The following RIN2 variants were observed in gnomAD, a reference collection of about 807,000 sequenced individuals.
RIN2 encodes RAB5 interacting protein 2.
In RIN2, 36 loss-of-function variants were observed where a neutral mutation model predicts 78.0. The ratio of observed to expected loss-of-function variants is 0.46; its 90% CI spans 0.35 to 0.61. The LOEUF is 0.61. RIN2 is among the 20% of genes least tolerant of loss of function. The pLI, the probability that RIN2 is intolerant of heterozygous loss-of-function variation, is 0.00. For missense variants in RIN2, 1,087 were observed against 1,159.7 expected, an observed-to-expected ratio of 0.94 and a Z score of 0.91; for synonymous variants, 466 against 466.8, an observed-to-expected ratio of 1.00 and a Z score of 0.02.
chr20:19,871,537 T>C (rs6046391), intron 2 of RIN2, among the ~76,000 whole-genome samples: 69,242 of 152,084 alleles, frequency 0.46, 16,250 homozygotes, highest in Middle Eastern at 0.55. Context: ...ATGCACTATG[T>C]GGTTTCAGAA....
At position 19,975,925 on chromosome 20, in the gene RIN2, G is replaced by A. The variant is rs2042266101; in HGVS notation, c.1762+138G>A. The A allele has an allele frequency of 1.1e-5, 9 of 855,972 alleles. No individual in the cohort carries two copies. The South Asian group carries it at 1.3e-4, about 12-fold the overall frequency. 53.0% of individuals were successfully genotyped at this position (855,972 alleles called of 1,614,324 possible). A position where few individuals can be genotyped will look rare whatever the true frequency, so the allele number is the denominator to read the frequency against. On this transcript the variant is annotated intron_variant, in intron 9 of 12. Transcript: ENST00000255006. This position sits in a 1 kb window ranked among gnomAD's most constrained non-coding sequence, Gnocchi z 4.9. ...CTCCACCTTCTCTCCCGGTTTGAAT[G>A]GAAAAATCAGTTTCTCAAAGTAGCT...
chr20:19,945,627 T>C (rs2041059565), intron 4 of RIN2, among the ~76,000 whole-genome samples: 2 of 152,208 alleles, frequency 1.3e-5, no homozygotes, highest in South Asian at 4.1e-4. Context: ...GGGCATAGAA[T>C]TATTGTAATT....
chr20:19,882,101 T>C (rs917389943), intron 2 of RIN2, among the ~76,000 whole-genome samples: 51 of 152,106 alleles, frequency 3.4e-4, no homozygotes, highest in African/African-American at 1.1e-3. Flanking sequence ...CTGAGAAAAA[T>C]GATACTGGTA....
At chr20:19,817,709 A>G (rs912177581) in intron 2 of RIN2, among the ~76,000 whole-genome samples, 3 of 152,220 alleles carry the variant, frequency 2.0e-5, no homozygotes, top group Non-Finnish European at 2.9e-5. Flanking sequence ...AATAAAATCA[A>G]TGAATCAAAA....
At chr20:19,883,917 G>GA (rs376600068) in intron 2 of RIN2, among the ~76,000 whole-genome samples, 6 of 150,110 alleles carry the variant, frequency 4.0e-5, no homozygotes, top group African/African-American at 1.5e-4. Context: ...GTTACTCTTA[G>GA]AAAAATTGAG....
chr20:19,826,388 A>G (rs561286373), intron 2 of RIN2, among the ~76,000 whole-genome samples: 1 of 152,354 alleles, frequency 6.6e-6, no homozygotes, highest in South Asian at 2.1e-4. Context: ...GGCACGGGTA[A>G]CTAAGTAACT....
At chr20:19,866,065 G>T (rs2123321192) in intron 2 of RIN2, among the ~76,000 whole-genome samples, 1 of 152,146 alleles carries the variant, frequency 6.6e-6, no homozygotes, top group East Asian at 1.9e-4. Context: ...TCACCTTAAT[G>T]TAGAATCAGT....
chr20:19,789,222 GA>G (rs2034808704), intron 1 of RIN2, among the ~76,000 whole-genome samples: 1 of 151,900 alleles, frequency 6.6e-6, no homozygotes, highest in African/African-American at 2.4e-5. Context: ...TATTCCTGAG[GA>G]AAAAAATAAA....
intron 2 of RIN2, among the ~76,000 whole-genome samples, chr20:19,864,128 A>G (rs1478127521): frequency 6.6e-6 from 1 of 152,110 alleles, no homozygotes; most frequent in Non-Finnish European, 1.5e-5. Context: ...GATCAATTAG[A>G]AAAAAGGGTC....
At chr20:19,849,834 T>G (rs2036904946) in intron 2 of RIN2, among the ~76,000 whole-genome samples, 1 of 152,146 alleles carries the variant, frequency 6.6e-6, no homozygotes, top group Admixed American at 6.5e-5. Flanking sequence ...AATACAAGTC[T>G]CTTAATGCCT....
chr20:19,857,225 A>AATGTATACACCTTTGTG (rs1347440467), intron 2 of RIN2, among the ~76,000 whole-genome samples: 1 of 152,178 alleles, frequency 6.6e-6, no homozygotes, highest in East Asian at 1.9e-4. Flanking sequence ...ATGGAATCAA[A>AATGTATACACCTTTGTG]ATGTATACAC....
intron 2 of RIN2, among the ~76,000 whole-genome samples, chr20:19,869,634 T>A (rs1464601991): frequency 6.6e-6 from 1 of 151,086 alleles, no homozygotes; most frequent in Non-Finnish European, 1.5e-5. Flanking sequence ...TTGGGTTTTT[T>A]TTTTTTTGAG....
chr20:19,918,353 TTGTGTGTG>T (rs3059683), intron 3 of RIN2, among the ~76,000 whole-genome samples: 55,396 of 147,006 alleles, frequency 0.38, 10,318 homozygotes, highest in East Asian at 0.48. Flanking sequence ...TACAAATACA[TTGTGTGTG>T]TGTGTGTGTG....
chr20:19,920,555 A>T lies in RIN2; in HGVS notation c.58-14544A>T, dbSNP rs548045456. On this transcript the variant is annotated intron_variant, in intron 3 of 12. Coordinates refer to ENST00000255006, the MANE Select transcript of RIN2 (RefSeq NM_018993.4). Reference sequence around the variant, plus strand: ...GCTGCTTCCGTAGTTCACACATTGAACTGCAGATACTACACGCACCTTTTA... The same window carrying T: ...GCTGCTTCCGTAGTTCACACATTGATCTGCAGATACTACACGCACCTTTTA... 8.5e-5 allele frequency among the ~76,000 whole-genome samples: 13 copies of T among 152,294 alleles called. No homozygotes were observed. The East Asian group carries it at 1.7e-3, about 20-fold the overall frequency.
chr20:19,772,712 G>T (rs2034175508), intron 1 of RIN2, among the ~76,000 whole-genome samples: 1 of 152,196 alleles, frequency 6.6e-6, no homozygotes, highest in African/African-American at 2.4e-5. Flanking sequence ...TGACCAGCCT[G>T]TGAGATGATC....
chr20:19,980,145 T>C (rs1406596149), intron 9 of RIN2, among the ~76,000 whole-genome samples: 1 of 151,966 alleles, frequency 6.6e-6, no homozygotes, highest in Non-Finnish European at 1.5e-5. Context: ...ACTTCTGATC[T>C]AGTACATGTG....
intron 5 of RIN2, among the ~76,000 whole-genome samples, chr20:19,958,419 G>A (rs2041625068): frequency 6.6e-6 from 1 of 152,250 alleles, no homozygotes; most frequent in African/African-American, 2.4e-5. Flanking sequence ...CCCAAGGTAG[G>A]GCACGTCCAC....
intron 1 of RIN2, among the ~76,000 whole-genome samples, chr20:19,776,624 C>G (rs1035306436): frequency 2.0e-5 from 3 of 151,488 alleles, no homozygotes; most frequent in Non-Finnish European, 2.9e-5. Context: ...CCCAGCTACT[C>G]GGGAGGCTGA....
intron 9 of RIN2, among the ~76,000 whole-genome samples, chr20:19,987,721 G>A (rs2146374006): frequency 6.6e-6 from 1 of 152,280 alleles, no homozygotes; most frequent in East Asian, 1.9e-4. Flanking sequence ...GAAGTTGCAC[G>A]AGCTTATTAA....
Sources: gnomAD v4.1 joint callset for allele counts (sites outside exome capture counted in the v4.1 genomes callset) on GRCh38, gnomAD v4.1.1 for gene constraint, Gnocchi (gnomAD v3.1) non-coding constraint, MANE v1.5 for transcripts, NCBI Gene and HGNC (gene_info 2026-07-23, HGNC 2026-07-21) for gene names.